Variants in WDR41 observed in about 807,000 individuals in gnomAD.
WDR41 encodes WD repeat domain 41.
In WDR41, 63 loss-of-function variants were observed where a neutral mutation model predicts 69.3. The observed-to-expected ratio is 0.91, with a 90% CI of 0.74 to 1.12. WDR41 has a LOEUF of 1.12. Ranked by LOEUF, WDR41 falls within the 50% of genes most tolerant of loss-of-function variation. WDR41 has a pLI of 0.00. For missense variants in WDR41, 543 were observed against 534.5 expected (o/e 1.02, Z -0.16); for synonymous variants, 185 against 192.1 (o/e 0.96, Z 0.31).
At chr5:77,528,271 T>C (rs1396891527) in intron 1 of WDR41, among the ~76,000 whole-genome samples, 1 of 151,760 alleles carries the variant, frequency 6.6e-6, no homozygotes, top group East Asian at 1.9e-4. Context: ...AAGAGGTGGC[T>C]ACTAACAACT....
At chr5:77,603,095 G>A (rs1318683704) in intron 1 of WDR41, among the ~76,000 whole-genome samples, 1 of 151,928 alleles carries the variant, frequency 6.6e-6, no homozygotes. Context: ...CCACCACCAT[G>A]CCCAGCTAAT....
In WDR41 at chr5:77,440,875, C is replaced by G; in HGVS notation, c.820G>C (p.Glu274Gln). The change falls in exon 9 of 13, where the codon GAA becomes CAA. Residue 274 changes from glutamate to glutamine, a missense_variant. Glu to Gln is a conservative substitution (Grantham distance 29). Coordinates refer to ENST00000296679, the MANE Select transcript of WDR41 (RefSeq NM_018268.4). ...DPSPQLDTQQ[E>Q]IKLCQKSNDI... Reference sequence around the variant, plus strand: ...TTTGATTTTTGACAGAGTTTTATTTCTTGTTGGGTGTCCAGTTGTGGAGAT... The same window carrying G: ...TTTGATTTTTGACAGAGTTTTATTTGTTGTTGGGTGTCCAGTTGTGGAGAT... 6.2e-7 allele frequency: 1 copy of G among 1,614,054 alleles called. No homozygotes were observed. Among genetic ancestry groups the G allele is most frequent in the Non-Finnish European group, 8.5e-7 (1 of 1,179,990 alleles).
chr5:77,555,128 C>G (rs1213454318), intron 1 of WDR41, among the ~76,000 whole-genome samples: 1 of 151,464 alleles, frequency 6.6e-6, no homozygotes, highest in Non-Finnish European at 1.5e-5. Context: ...TTAACACACA[C>G]ACTCGTACAA....
chr5:77,492,427 TTA>T (rs781321980), upstream of WDR41: 18 of 580,290 alleles, frequency 3.1e-5, no homozygotes, highest in Admixed American at 1.9e-4. Flanking sequence ...CCACGGAGGC[TTA>T]GTTTGGGCAG....
At chr5:77,481,867 C>G (rs375906949) in intron 2 of WDR41, among the ~76,000 whole-genome samples, 60 of 151,036 alleles carry the variant, frequency 4.0e-4, no homozygotes, top group African/African-American at 1.2e-3. Context: ...CTGATATGTT[C>G]ATGTTCATCT....
rs959270533 is a variant in WDR41, at chr5:77,432,873, G to C, written c.*262C>G. 1.3e-5 allele frequency: 4 copies of C among 316,900 alleles called. No homozygotes were observed. The highest frequency in any genetic ancestry group is 8.6e-5 in the African/African-American group (4 of 46,774). 19.6% of individuals were successfully genotyped at this position (316,900 alleles called of 1,614,324 possible). On this transcript the variant is annotated 3_prime_UTR_variant, in exon 13 of 13. Transcript: ENST00000296679. Reference sequence around the variant, plus strand: ...TCACAAGGATCTAGGTTCAAAATAAGCTCAAAACACAGCACTCACCACTTC... The same window carrying C: ...TCACAAGGATCTAGGTTCAAAATAACCTCAAAACACAGCACTCACCACTTC...
chr5:77,466,520 T>G (rs565004058), intron 2 of WDR41, among the ~76,000 whole-genome samples: 2 of 151,884 alleles, frequency 1.3e-5, no homozygotes, highest in East Asian at 3.9e-4. Flanking sequence ...TTAAAATACA[T>G]ACTTTTTTTC....
At chr5:77,482,368 AAGG>A in intron 2 of WDR41, among the ~76,000 whole-genome samples, 1 of 152,240 alleles carries the variant, frequency 6.6e-6, no homozygotes, top group Non-Finnish European at 1.5e-5. Context: ...AAACAGTTAG[AAGG>A]ATCCAAATAA....
intron 2 of WDR41, among the ~76,000 whole-genome samples, chr5:77,488,202 T>A (rs557318832): frequency 6.6e-6 from 1 of 151,860 alleles, no homozygotes; most frequent in Admixed American, 6.6e-5. Context: ...CAGTGAGGGG[T>A]GCTGTATAGA....
chr5:77,436,358 T>C lies in WDR41; in HGVS notation c.1130A>G (p.Lys377Arg). The change falls in exon 12 of 13, where the codon AAA becomes AGA. Residue 377 changes from lysine to arginine, a missense_variant. Coordinates refer to ENST00000296679, the MANE Select transcript of WDR41 (RefSeq NM_018268.4). ...CTTTTTAACAGGTTGGCTGGCTTGTTTGCTGACTCTTCCAAATCCCCACAT... is the reference window on the plus strand; with the variant it reads ...CTTTTTAACAGGTTGGCTGGCTTGTCTGCTGACTCTTCCAAATCCCCACAT... ...FNMWGFGRVS[K>R]QASQPVKKQQ... 4 of 1,614,064 alleles carry C rather than the reference T, an allele frequency of 2.5e-6. No homozygotes were observed. Among genetic ancestry groups the C allele is most frequent in the Non-Finnish European group, 3.4e-6 (4 of 1,179,970 alleles).
At chr5:77,552,851 A>T (rs933151213) in intron 1 of WDR41, among the ~76,000 whole-genome samples, 1 of 152,208 alleles carries the variant, frequency 6.6e-6, no homozygotes, top group South Asian at 2.1e-4. Flanking sequence ...GGGGAAAAAA[A>T]CCCTAGATCT....
At chr5:77,487,048 G>T (rs1330959818) in intron 2 of WDR41, among the ~76,000 whole-genome samples, 1 of 152,132 alleles carries the variant, frequency 6.6e-6, no homozygotes, top group Non-Finnish European at 1.5e-5. Flanking sequence ...TCTATAGGCT[G>T]GCCTCTTCTA....
intron 1 of WDR41, among the ~76,000 whole-genome samples, chr5:77,573,694 G>GA (rs1743773868): frequency 6.6e-6 from 1 of 152,158 alleles, no homozygotes; most frequent in Admixed American, 6.5e-5. Flanking sequence ...AAGGGGGAGA[G>GA]ATGAGGAGGG....
intron 8 of WDR41, among the ~76,000 whole-genome samples, chr5:77,441,509 C>T (rs772832554): frequency 6.6e-6 from 1 of 152,036 alleles, no homozygotes; most frequent in Non-Finnish European, 1.5e-5. Context: ...GAAGCCGAGG[C>T]AGGTGGATCA....
At chr5:77,452,787 T>G (rs1799677163) in intron 6 of WDR41, 1 of 152,172 alleles carries the variant, frequency 6.6e-6, no homozygotes, top group Non-Finnish European at 1.5e-5. Context: ...AAACATAACT[T>G]GCAAAACAAA....
At chr5:77,550,575 A>G (rs1743277939) in intron 1 of WDR41, among the ~76,000 whole-genome samples, 1 of 152,224 alleles carries the variant, frequency 6.6e-6, no homozygotes, top group African/African-American at 2.4e-5. Context: ...TTAAAAAGCC[A>G]AAAATAACAG....
At chr5:77,454,769 A>C (rs773010099) in intron 5 of WDR41, among the ~76,000 whole-genome samples, 1 of 152,246 alleles carries the variant, frequency 6.6e-6, no homozygotes, top group Non-Finnish European at 1.5e-5. Context: ...GATTAAAAAG[A>C]GTTGAAAATA....
intron 1 of WDR41, among the ~76,000 whole-genome samples, chr5:77,567,481 C>T (rs1743654623): frequency 6.6e-6 from 1 of 152,014 alleles, no homozygotes; most frequent in Admixed American, 6.6e-5. Context: ...AGCACCACTT[C>T]CATCCTCACA....
At chr5:77,589,386 C>T (rs575162609) in intron 1 of WDR41, among the ~76,000 whole-genome samples, 1 of 152,184 alleles carries the variant, frequency 6.6e-6, no homozygotes, top group South Asian at 2.1e-4. Flanking sequence ...TTTAAGAAAG[C>T]TTCCAGGGGT....
Sources: allele counts gnomAD v4.1 joint callset (sites outside exome capture counted in the v4.1 genomes callset), GRCh38; gene constraint gnomAD v4.1.1; transcripts MANE v1.5; gene names NCBI Gene and HGNC (gene_info 2026-07-23, HGNC 2026-07-21).